The following SEMA6D variants were observed in gnomAD, a reference collection of about 807,000 sequenced individuals.
SEMA6D encodes the protein semaphorin 6D.
SEMA6D carries 35 observed loss-of-function variants against 106.6 expected under a neutral mutation model. The observed-to-expected ratio is 0.33, with a 90% CI of 0.25 to 0.44. The LOEUF is 0.44. Among genes scored for constraint, SEMA6D ranks in the 20% least tolerant of loss-of-function variants. SEMA6D has a pLI of 1.00. For synonymous variants in SEMA6D, 499 were observed against 487.7 expected (o/e 1.02, Z -0.31); for missense variants, 1,185 against 1,345.9 (o/e 0.88, Z 1.87).
At chr15:47,678,371 T>C (rs2078286321) in intron 4 of SEMA6D, among the ~76,000 whole-genome samples, 1 of 152,174 alleles carries the variant, frequency 6.6e-6, no homozygotes, top group Admixed American at 6.5e-5. Context: ...AAAAATGCTT[T>C]ATGGTTTCCA....
chr15:47,704,798 T>C (rs2078882145), intron 4 of SEMA6D, among the ~76,000 whole-genome samples: 1 of 152,190 alleles, frequency 6.6e-6, no homozygotes, highest in Non-Finnish European at 1.5e-5. Flanking sequence ...ATGATTGATA[T>C]CCATGGCTCT....
intron 1 of SEMA6D, among the ~76,000 whole-genome samples, chr15:47,365,926 AAG>A (rs200162026): frequency 7.0e-6 from 1 of 142,878 alleles, no homozygotes; most frequent in Non-Finnish European, 1.5e-5. Flanking sequence ...AGAGAGAGAA[AAG>A]AAAGAAAGAG....
At chr15:47,592,570 T>A (rs1477600024) in intron 3 of SEMA6D, among the ~76,000 whole-genome samples, 4 of 152,200 alleles carry the variant, frequency 2.6e-5, no homozygotes, top group Admixed American at 1.3e-4. Context: ...TGATTAGTCA[T>A]TTAACTGTAT....
At chr15:47,751,553 A>AC (rs1488767658) in intron 1 of SEMA6D, among the ~76,000 whole-genome samples, 1 of 151,744 alleles carries the variant, frequency 6.6e-6, no homozygotes, top group Non-Finnish European at 1.5e-5. Flanking sequence ...GTCTAGTTCC[A>AC]CCCCCTCTTC....
intron 1 of SEMA6D, among the ~76,000 whole-genome samples, chr15:47,280,108 G>A (rs1347770988): frequency 3.9e-5 from 6 of 152,120 alleles, no homozygotes; most frequent in African/African-American, 1.4e-4. Context: ...AATGGTACCA[G>A]TTCCTCCTTG....
intron 4 of SEMA6D, among the ~76,000 whole-genome samples, chr15:47,677,178 G>A (rs1406047028): frequency 1.3e-5 from 2 of 152,116 alleles, no homozygotes; most frequent in Non-Finnish European, 2.9e-5. Context: ...ACCAGTCTGC[G>A]ACCTGGAGGT....
At chr15:47,582,615 C>T (rs1009924376) in intron 3 of SEMA6D, among the ~76,000 whole-genome samples, 1 of 152,134 alleles carries the variant, frequency 6.6e-6, no homozygotes. Flanking sequence ...CTCACACATC[C>T]CTTGCTCCTC....
At chr15:47,329,898 A>G (rs1056535839) in intron 1 of SEMA6D, among the ~76,000 whole-genome samples, 1 of 152,314 alleles carries the variant, frequency 6.6e-6, no homozygotes, top group South Asian at 2.1e-4. Flanking sequence ...GCTGATAAAG[A>G]TGCTATCTAA....
chr15:47,363,370 G>T (rs1337245444), intron 1 of SEMA6D, among the ~76,000 whole-genome samples: 1 of 152,072 alleles, frequency 6.6e-6, no homozygotes, highest in African/African-American at 2.4e-5. Context: ...GGTGTGGCGG[G>T]GTCTATGAAT....
intron 1 of SEMA6D, among the ~76,000 whole-genome samples, chr15:47,238,110 C>T (rs181189614): frequency 1.3e-3 from 196 of 152,128 alleles, no homozygotes; most frequent in African/African-American, 4.6e-3. Flanking sequence ...TGCTGTAGTG[C>T]ATTTTTATTT....
chr15:47,345,063 G>GA (rs1166101180), intron 1 of SEMA6D, among the ~76,000 whole-genome samples: 1 of 152,056 alleles, frequency 6.6e-6, no homozygotes, highest in Non-Finnish European at 1.5e-5. Context: ...TATTGCTAAA[G>GA]GAAATTAAAG....
intron 3 of SEMA6D, among the ~76,000 whole-genome samples, chr15:47,473,548 A>G (rs1482494587): frequency 1.3e-5 from 2 of 152,210 alleles, no homozygotes; most frequent in Non-Finnish European, 1.5e-5. Context: ...GGAAGTCTAT[A>G]TGTAAAATAG....
At chr15:47,476,262 A>G (rs1385764744) in intron 3 of SEMA6D, among the ~76,000 whole-genome samples, 1 of 152,164 alleles carries the variant, frequency 6.6e-6, no homozygotes, top group Non-Finnish European at 1.5e-5. Context: ...GTTATTTAGG[A>G]TCAGGTTGGG....
chr15:47,526,740 A>AT (rs988712588), intron 3 of SEMA6D, among the ~76,000 whole-genome samples: 33 of 147,678 alleles, frequency 2.2e-4, no homozygotes, highest in South Asian at 4.3e-4. Context: ...AATTATTATT[A>AT]TTTTTTTTTT....
chr15:47,550,465 G>A (rs975958399), intron 3 of SEMA6D, among the ~76,000 whole-genome samples: 2 of 152,238 alleles, frequency 1.3e-5, no homozygotes, highest in African/African-American at 2.4e-5. Context: ...TATAGATATG[G>A]ATAGAACAAC....
At chr15:47,737,943 T>TA (rs903599472) in intron 1 of SEMA6D, among the ~76,000 whole-genome samples, 4 of 151,926 alleles carry the variant, frequency 2.6e-5, no homozygotes, top group African/African-American at 4.8e-5. Flanking sequence ...GTATTATCTT[T>TA]AAAAAAACAG....
chr15:47,318,948 A>G (rs2036809703), intron 1 of SEMA6D, among the ~76,000 whole-genome samples: 1 of 152,046 alleles, frequency 6.6e-6, no homozygotes. Flanking sequence ...TGACATTTTA[A>G]TGATTGCCAT....
intron 3 of SEMA6D, among the ~76,000 whole-genome samples, chr15:47,508,307 C>G (rs1053093056): frequency 1.3e-5 from 2 of 152,222 alleles, no homozygotes; most frequent in African/African-American, 4.8e-5. Context: ...TAAAAGCCCT[C>G]TGTACACTCT....
At chr15:47,598,412 A>T (rs1403719757) in intron 3 of SEMA6D, among the ~76,000 whole-genome samples, 1 of 152,194 alleles carries the variant, frequency 6.6e-6, no homozygotes, top group Non-Finnish European at 1.5e-5. Flanking sequence ...AAGACAGTAC[A>T]TGATTGATTA....
Sources: gnomAD v4.1 joint callset for allele counts (sites outside exome capture counted in the v4.1 genomes callset) on GRCh38, gnomAD v4.1.1 for gene constraint, MANE v1.5 for transcripts, NCBI Gene and HGNC (gene_info 2026-07-23, HGNC 2026-07-21) for gene names.